CFB: variants seen among roughly 807,000 people sequenced by gnomAD.
The protein encoded by CFB is complement factor B, also known as B-factor, properdin.
Under a neutral mutation model 97.2 loss-of-function variants are expected in CFB, and 59 were observed. The observed-to-expected ratio is 0.61, with a 90% CI of 0.49 to 0.75. The LOEUF (loss-of-function observed/expected upper bound fraction) is 0.75, where lower values mean the gene tolerates loss of function less well. CFB is among the 30% of genes least tolerant of loss of function. CFB has a pLI of 0.00. For synonymous variants in CFB, 316 were observed against 351.7 expected (o/e 0.90, Z 1.14); for missense variants, 771 against 959.8 (o/e 0.80, Z 2.60).
chr6:31,949,535 AG>A lies in CFB; in HGVS notation c.1387del (p.Asp463MetfsTer6), dbSNP rs1437660722. ...AAGTCAAGGATATGGAAAACCTGGA[AG>A]ATGTTTTCTACCAAATGATCGGTAG... ...FKVKDMENLE[D>X]VFYQMIDESQ... On this transcript the variant is annotated frameshift_variant, in exon 10 of 18. Coordinates refer to ENST00000425368, the MANE Select transcript of CFB (RefSeq NM_001710.6). LOFTEE classifies it high-confidence loss of function. 2 of 1,613,302 alleles carry A rather than the reference AG, an allele frequency of 1.2e-6. No individual in the cohort carries two copies. Among genetic ancestry groups the A allele is most frequent in the Non-Finnish European group, 1.7e-6 (2 of 1,180,042 alleles).
In CFB at chr6:31,946,980, A is replaced by C; in HGVS notation, c.299-27A>C. On this transcript the variant is annotated intron_variant, in intron 2 of 17. Coordinates refer to ENST00000425368, the MANE Select transcript of CFB (RefSeq NM_001710.6). This position sits in a 1 kb window ranked among gnomAD's most constrained non-coding sequence, Gnocchi z 6.4. Reference sequence around the variant, plus strand: ...CTAAGGCAGCCTTTCCCTCTTGATGACTTCTACTTGTCCCCCCTTCTCAAA... The same window carrying C: ...CTAAGGCAGCCTTTCCCTCTTGATGCCTTCTACTTGTCCCCCCTTCTCAAA... The C allele has an allele frequency of 6.2e-7, 1 of 1,612,186 alleles. No individual in the cohort carries two copies. The highest frequency in any genetic ancestry group is 8.5e-7 in the Non-Finnish European group (1 of 1,179,572).
chr6:31,946,953 A>G lies in CFB; in HGVS notation c.299-54A>G, dbSNP rs1462413783. On this transcript the variant is annotated intron_variant, in intron 2 of 17. Transcript: ENST00000425368. The surrounding 1 kb of genome is among the most constrained non-coding windows in gnomAD (Gnocchi z 6.4). ...TGGTCTCCGAGACCAGGAGGGATAC[A>G]CCTAAGGCAGCCTTTCCCTCTTGAT... is the stretch of plus-strand genomic sequence containing the variant. The G allele has an allele frequency of 6.3e-7, 1 of 1,584,426 alleles. No homozygotes were observed. The highest frequency in any genetic ancestry group is 2.2e-5 in the East Asian group (1 of 44,712).
In CFB at chr6:31,948,899, C is replaced by A. The variant is rs200890358; in HGVS notation, c.1106C>A (p.Pro369Gln). 2 of 1,612,858 alleles carry A rather than the reference C, an allele frequency of 1.2e-6. No individual in the cohort carries two copies. Among genetic ancestry groups the A allele is most frequent in the Non-Finnish European group, 1.7e-6 (2 of 1,179,998 alleles). Residue 369 changes from proline to glutamine, a missense_variant, in exon 8 of 18, where the codon CCA becomes CAA. Pro to Gln is a moderately conservative substitution (Grantham distance 76). Transcript: ENST00000425368. ...GCAGTGTACAGCATGATGAGCTGGC[C>A]AGATGACGTCCCTCCTGAAGGCTGG... is the stretch of plus-strand genomic sequence containing the variant. ...LQAVYSMMSW[P>Q]DDVPPEGWNR...
rs375609671 is a variant in CFB at position 31,947,536 on chromosome 6, G to A, written c.658+15G>A. The A allele has an allele frequency of 2.5e-5, 40 of 1,612,762 alleles. No homozygotes were observed. The African/African-American group carries it at 5.3e-4, about 21-fold the overall frequency. ...TTCCTGCCAAGGTGACCTTTGACCT[G>A]TACCCCCAGGTCAGATCCTGGTCTT... On this transcript the variant is annotated intron_variant, in intron 4 of 17. Coordinates refer to ENST00000425368, the MANE Select transcript of CFB (RefSeq NM_001710.6). This position sits in a 1 kb window ranked among gnomAD's most constrained non-coding sequence, Gnocchi z 5.3.
chr6:31,951,705 A>G lies in CFB; in HGVS notation c.2139+101A>G. On this transcript the variant is annotated intron_variant, in intron 17 of 17. Transcript: ENST00000425368. The surrounding 1 kb of genome is among the most constrained non-coding windows in gnomAD (Gnocchi z 4.3). ...GTGGCTAGTAATTCGAGGTAGGCAG[A>G]GCCTGCCTCACCTTAGGACCGCATG... is the stretch of plus-strand genomic sequence containing the variant. 6.4e-7 allele frequency: 1 copy of G among 1,556,630 alleles called. No individual in the cohort carries two copies. Among genetic ancestry groups the G allele is most frequent in the Non-Finnish European group, 8.9e-7 (1 of 1,127,686 alleles).
At position 31,946,839 on chromosome 6, in the gene CFB, G is replaced by A; in HGVS notation, c.299-168G>A. The A allele has an allele frequency of 1.2e-6, 1 of 806,360 alleles. No homozygotes were observed. Among genetic ancestry groups the A allele is most frequent in the Non-Finnish European group, 2.1e-6 (1 of 481,694 alleles). The allele number at this position is 806,360 out of a possible 1,614,324, so 50.0% of individuals were successfully genotyped here. ...AGTCAAGAGAACACTCAGAAATGGG[G>A]AGGGAGAAGCAGTGGAAATCCATAT... On this transcript the variant is annotated intron_variant, in intron 2 of 17. Coordinates refer to ENST00000425368, the MANE Select transcript of CFB (RefSeq NM_001710.6). The surrounding 1 kb of genome is among the most constrained non-coding windows in gnomAD (Gnocchi z 6.4).
chr6:31,951,716 C>A lies in CFB; in HGVS notation c.2139+112C>A. The A allele has an allele frequency of 6.4e-7, 1 of 1,562,388 alleles. No homozygotes were observed. The highest frequency in any genetic ancestry group is 8.8e-7 in the Non-Finnish European group (1 of 1,133,318). ...TTCGAGGTAGGCAGAGCCTGCCTCA[C>A]CTTAGGACCGCATGTCTTGCCTGCG... On this transcript the variant is annotated intron_variant, in intron 17 of 17. Transcript: ENST00000425368. This position sits in a 1 kb window ranked among gnomAD's most constrained non-coding sequence, Gnocchi z 4.3.
chr6:31,951,197 G>A lies in CFB; in HGVS notation c.1909G>A (p.Glu637Lys). Residue 637 changes from glutamate (E) to lysine (K), a missense_variant, in exon 15 of 18, where the codon GAG becomes AAG. Glu to Lys is a moderately conservative substitution (Grantham distance 56). Transcript: ENST00000425368. This position sits in a 1 kb window ranked among gnomAD's most constrained non-coding sequence, Gnocchi z 4.3. ...CAAAGCTCTGTTTGTGTCTGAGGAGGAGAAAAAGCTGACTCGGAAGGAGGT... is the reference window on the plus strand; with the variant it reads ...CAAAGCTCTGTTTGTGTCTGAGGAGAAGAAAAAGCTGACTCGGAAGGAGGT... Reference protein sequence around the residue: ...DIKALFVSEEEKKLTRKEVYI... With the variant: ...DIKALFVSEEKKKLTRKEVYI... 6.2e-7 allele frequency: 1 copy of A among 1,613,086 alleles called. No homozygotes were observed. Among genetic ancestry groups the A allele is most frequent in the South Asian group, 1.1e-5 (1 of 91,064 alleles).
chr6:31,950,777 G>C lies in CFB; in HGVS notation c.1778+5G>C, dbSNP rs780116525. 1.2e-6 allele frequency: 2 copies of C among 1,613,092 alleles called. No individual in the cohort carries two copies. Among genetic ancestry groups the C allele is most frequent in the South Asian group, 1.1e-5 (1 of 91,084 alleles). On this transcript the variant is annotated splice_donor_5th_base_variant and intron_variant, in intron 13 of 17. Coordinates refer to ENST00000425368, the MANE Select transcript of CFB (RefSeq NM_001710.6). ...GAAATATGGCCAGACTATCAGGTGA[G>C]AGCGTCCAGATCCCTGAGGAAAGGC... is the stretch of plus-strand genomic sequence containing the variant.
In CFB at chr6:31,951,823, C is replaced by T; in HGVS notation, c.2140-52C>T. The T allele has an allele frequency of 1.9e-6, 3 of 1,612,454 alleles. No individual in the cohort carries two copies. Among genetic ancestry groups the T allele is most frequent in the Non-Finnish European group, 2.5e-6 (3 of 1,179,458 alleles). Reference sequence around the variant, plus strand: ...GACACAAGCAGGAACAGCCATGCTTCCAGGATTAGGAATTCTACTGAATGA... The same window carrying T: ...GACACAAGCAGGAACAGCCATGCTTTCAGGATTAGGAATTCTACTGAATGA... On this transcript the variant is annotated intron_variant, in intron 17 of 17. Transcript: ENST00000425368. This position sits in a 1 kb window ranked among gnomAD's most constrained non-coding sequence, Gnocchi z 4.3.
At chr6:31,948,741 G>T in intron 7 of CFB, 89 bp from the exon 8 acceptor site, 1 of 1,604,042 alleles carries the variant, frequency 6.2e-7, no homozygotes, top group South Asian at 1.1e-5. Context: ...AAAGTTGAAA[G>T]ATGTGGGATT....
Position 31,949,273 on chromosome 6 carries a change from C to G in CFB, c.1199C>G (p.Thr400Ser), listed in dbSNP as rs768058351. 6.2e-7 allele frequency: 1 copy of G among 1,614,184 alleles called. No homozygotes were observed. The highest frequency in any genetic ancestry group is 1.1e-5 in the South Asian group (1 of 91,080). Residue 400 changes from threonine to serine, a missense_variant, in exon 9 of 18, where the codon ACT becomes AGT. By Grantham distance (58) the Thr-to-Ser change is moderately conservative. Transcript: ENST00000425368. ...CACAACATGGGCGGGGACCCAATTA[C>G]TGTCATTGATGAGATCCGGGACTTG... is the stretch of plus-strand genomic sequence containing the variant. ...GLHNMGGDPI[T>S]VIDEIRDLLY...
chr6:31,948,605 G>T, intron 7 of CFB, 93 bp downstream of exon 7: 1 of 1,584,258 alleles, frequency 6.3e-7, no homozygotes, highest in South Asian at 1.1e-5. Context: ...CGACAGGGAG[G>T]ACCACTTTGT....
At chr6:31,950,992 G>A in intron 14 of CFB, 48 bp downstream of exon 14, 1 of 1,604,390 alleles carries the variant, frequency 6.2e-7, no homozygotes, top group Non-Finnish European at 8.5e-7. Flanking sequence ...CAAGAGACAA[G>A]TGGGGCATGA....
rs1562633057 is a variant in CFB at position 31,951,053 on chromosome 6, G to T, written c.1856-91G>T. 6.4e-7 allele frequency: 1 copy of T among 1,570,262 alleles called. No individual in the cohort carries two copies. Among genetic ancestry groups the T allele is most frequent in the Non-Finnish European group, 8.8e-7 (1 of 1,142,452 alleles). ...ATGCCTGGCCCAGAACCTAGCTCTA[G>T]AAGGGCTTAGGGGACATCTACTGAG... On this transcript the variant is annotated intron_variant, in intron 14 of 17. Transcript: ENST00000425368. The surrounding 1 kb of genome is among the most constrained non-coding windows in gnomAD (Gnocchi z 4.3).
intron 6 of CFB, 54 bp downstream of exon 6, chr6:31,948,135 G>T: frequency 1.2e-6 from 2 of 1,603,372 alleles, no homozygotes; most frequent in Non-Finnish European, 8.5e-7. Context: ...TGATCTTCCA[G>T]GACTAGCTCC....
chr6:31,946,518 T>A lies in CFB; in HGVS notation c.210T>A (p.Pro70=). ...YVCPSGFYPY[P]VQTRTCRSTG... ...GTCCTTCTGGCTTCTACCCGTACCC[T>A]GTGCAGACACGTACCTGCAGATCTA... is the stretch of plus-strand genomic sequence containing the variant. The change falls in exon 2 of 18, where the codon CCT becomes CCA. Residue 70 remains proline, a synonymous_variant. Coordinates refer to ENST00000425368, the MANE Select transcript of CFB (RefSeq NM_001710.6). This position sits in a 1 kb window ranked among gnomAD's most constrained non-coding sequence, Gnocchi z 6.4. The A allele has an allele frequency of 6.2e-7, 1 of 1,613,048 alleles. No individual in the cohort carries two copies. Among genetic ancestry groups the A allele is most frequent in the Non-Finnish European group, 8.5e-7 (1 of 1,180,036 alleles).
chr6:31,947,405 A>G lies in CFB; in HGVS notation c.542A>G (p.Tyr181Cys). The G allele has an allele frequency of 6.2e-7, 1 of 1,613,018 alleles. No individual in the cohort carries two copies. The highest frequency in any genetic ancestry group is 1.1e-5 in the South Asian group (1 of 91,090). Residue 181 changes from tyrosine to cysteine, a missense_variant, in exon 4 of 18, where the codon TAC (tyrosine) becomes TGC (cysteine). Tyr to Cys is a radical substitution (Grantham distance 194). Coordinates refer to ENST00000425368, the MANE Select transcript of CFB (RefSeq NM_001710.6). This position sits in a 1 kb window ranked among gnomAD's most constrained non-coding sequence, Gnocchi z 5.3. ...PIGTRKVGSQ[Y>C]RLEDSVTYHC... is the part of the protein sequence containing the mutation. ...GGCACAAGGAAGGTGGGCAGCCAGTACCGCCTTGAAGACAGCGTCACCTAC... is the reference window on the plus strand; with the variant it reads ...GGCACAAGGAAGGTGGGCAGCCAGTGCCGCCTTGAAGACAGCGTCACCTAC...
At chr6:31,948,994 C>T (rs1398015953) in intron 8 of CFB, 33 bp downstream of exon 8, 24 of 1,612,566 alleles carry the variant, frequency 1.5e-5, no homozygotes, top group Non-Finnish European at 1.9e-5. Flanking sequence ...TCCCAGCCTC[C>T]CCACCTTCTC....
Sources: gnomAD v4.1 joint callset for allele counts on GRCh38, gnomAD v4.1.1 for gene constraint, Gnocchi (gnomAD v3.1) non-coding constraint, MANE v1.5 for transcripts, NCBI Gene and HGNC (gene_info 2026-07-23, HGNC 2026-07-21) for gene names.